The following TPO variants were observed in gnomAD, a reference collection of about 807,000 sequenced individuals.
TPO encodes the protein thyroid peroxidase.
Under a neutral mutation model 96.9 loss-of-function variants are expected in TPO, and 78 were observed. The observed-to-expected ratio is 0.81, with a 90% CI of 0.67 to 0.97. The LOEUF is 0.97. Among genes scored for constraint, TPO ranks in the 50% least tolerant of loss-of-function variants. The probability of loss-of-function intolerance (pLI) is 0.00; values close to 1 mark genes in which losing one functional copy is unlikely to be tolerated. For missense variants in TPO, 1,252 were observed against 1,274.8 expected (o/e 0.98, Z 0.27); for synonymous variants, 547 against 538.0 (o/e 1.02, Z -0.23).
chr2:1,537,829 CCTCCTCAAATCCCCCCACTGTGTGCAAT>C lies in TPO; in HGVS notation c.2619-2761_2619-2734del, dbSNP rs1441809335. Among the ~76,000 whole-genome samples, 5 of 79,282 alleles carry C rather than the reference CCTCCTCAAATCCCCCCACTGTGTGCAAT, an allele frequency of 6.3e-5. No homozygotes were observed. The East Asian group carries it at 2.3e-3, about 36-fold the overall frequency. The allele number at this position is 79,282 out of a possible 152,430, so 52.0% of individuals were successfully genotyped here. On this transcript the variant is annotated intron_variant, in intron 15 of 16. Coordinates refer to ENST00000329066, the MANE Select transcript of TPO (RefSeq NM_001206744.2). ...CCCCAAATCCCCCCACTGTGAGCAA[CCTCCTCAAATCCCCCCACTGTGTGCAAT>C]CTCAAATCCCCCCCACTGTGTGCAA...
intron 7 of TPO, among the ~76,000 whole-genome samples, chr2:1,465,393 G>C (rs1482886854): frequency 6.6e-6 from 1 of 152,046 alleles, no homozygotes; most frequent in Non-Finnish European, 1.5e-5. Context: ...CTCTTTTTTG[G>C]TTCCATACGA....
chr2:1,491,213 C>T (rs564906711), intron 10 of TPO, among the ~76,000 whole-genome samples: 2 of 152,026 alleles, frequency 1.3e-5, no homozygotes, highest in East Asian at 3.9e-4. Context: ...CCCGTTTCTG[C>T]AGTGTCTCCC....
intron 11 of TPO, 117 bp from the exon 12 acceptor site, chr2:1,495,872 C>CT: frequency 8.3e-7 from 1 of 1,200,306 alleles, no homozygotes; most frequent in Non-Finnish European, 1.2e-6. Flanking sequence ...TGCTGGGGGT[C>CT]TGGGCAGACG....
intron 5 of TPO, among the ~76,000 whole-genome samples, chr2:1,450,870 A>G (rs1009291975): frequency 1.3e-5 from 2 of 152,192 alleles, no homozygotes; most frequent in African/African-American, 2.4e-5. Flanking sequence ...ACGAATCTGA[A>G]CACTTTATTA....
Position 1,477,362 on chromosome 2 carries a change from T to G in TPO, c.1096T>G (p.Phe366Val). ...LRDSGRAYLP[F>V]VPPRAPAACA... is the part of the protein sequence containing the mutation. Reference sequence around the variant, plus strand: ...GGACTCCGGCCGCGCCTACCTGCCCTTCGTGCCGCCACGCGCGCCTGCGGC... The same window carrying G: ...GGACTCCGGCCGCGCCTACCTGCCCGTCGTGCCGCCACGCGCGCCTGCGGC... Residue 366 changes from phenylalanine (F) to valine (V), a missense_variant, in exon 8 of 17, where the codon TTC becomes GTC. By Grantham distance (50) the Phe-to-Val change is conservative. Transcript: ENST00000329066. The G allele has an allele frequency of 6.5e-7, 1 of 1,540,776 alleles. No individual in the cohort carries two copies. The highest frequency in any genetic ancestry group is 8.8e-7 in the Non-Finnish European group (1 of 1,140,908).
At chr2:1,405,935 C>T (rs146483128) in intron 1 of TPO, among the ~76,000 whole-genome samples, 14 of 152,326 alleles carry the variant, frequency 9.2e-5, no homozygotes, top group Middle Eastern at 6.8e-3. Context: ...TTTCTACAGT[C>T]ACCACAATAC....
At chr2:1,472,132 G>A (rs28910584) in intron 7 of TPO, among the ~76,000 whole-genome samples, 3,326 of 150,766 alleles carry the variant, frequency 0.022, 143 homozygotes, top group African/African-American at 0.077. Flanking sequence ...TGATCTGAAC[G>A]CTCATAGAGT....
rs1336854922 is a variant in TPO, at chr2:1,386,161, G to T, written n.180+11759G>T. 2.6e-5 allele frequency among the ~76,000 whole-genome samples: 4 copies of T among 152,116 alleles called. No homozygotes were observed. In the East Asian group the frequency reaches 7.7e-4, roughly 29 times the overall value. On this transcript the variant is annotated intron_variant and non_coding_transcript_variant, in intron 1 of 5. Transcript: ENST00000497517. ...TGTGGTCAATTTTGGAATAGGTGCG[G>T]GTGTGGTGTGGAGAAGAATGTATGT...
In TPO at chr2:1,527,869, A is replaced by G. The variant is rs1357896867; in HGVS notation, c.2618+10887A>G. Among the ~76,000 whole-genome samples, 4 of 18,116 alleles carry G rather than the reference A, an allele frequency of 2.2e-4. 1 individual carries two copies. Among genetic ancestry groups the G allele is most frequent in the African/African-American group, 7.4e-4 (4 of 5,406 alleles). 11.9% of individuals were successfully genotyped at this position (18,116 alleles called of 152,430 possible). On this transcript the variant is annotated intron_variant, in intron 15 of 16. Transcript: ENST00000329066. Reference sequence around the variant, plus strand: ...CCTCAAATCCCCCCCACTGTGTTCAACCTCCTCAAATCCCCCCACTGCGTG... The same window carrying G: ...CCTCAAATCCCCCCCACTGTGTTCAGCCTCCTCAAATCCCCCCACTGCGTG...
At chr2:1,432,958 A>G (rs1665176952) in intron 3 of TPO, among the ~76,000 whole-genome samples, 1 of 152,158 alleles carries the variant, frequency 6.6e-6, no homozygotes, top group Non-Finnish European at 1.5e-5. Context: ...GCCCCGTTCT[A>G]GGGCTGCATT....
intron 12 of TPO, 143 bp downstream of exon 12, chr2:1,496,340 T>TGGGGC (rs370762547): frequency 0.024 from 12,144 of 499,428 alleles, 906 homozygotes; most frequent in African/African-American, 0.19. Flanking sequence ...GGGCAGCTCC[T>TGGGGC]GGGGCGGGGC....
intron 13 of TPO, among the ~76,000 whole-genome samples, chr2:1,501,947 C>G (rs753025790): frequency 6.6e-6 from 1 of 152,096 alleles, no homozygotes; most frequent in Non-Finnish European, 1.5e-5. Context: ...AAGGATGAGT[C>G]TGAACTGCAG....
At chr2:1,517,084 G>C in intron 15 of TPO, 102 bp downstream of exon 15, 1 of 1,214,962 alleles carries the variant, frequency 8.2e-7, no homozygotes. Flanking sequence ...AGCTAACACA[G>C]GTTACTGGTA....
intron 5 of TPO, among the ~76,000 whole-genome samples, chr2:1,446,040 G>A (rs1000818657): frequency 6.6e-6 from 1 of 152,172 alleles, no homozygotes; most frequent in African/African-American, 2.4e-5. Context: ...TTAAATTGGG[G>A]TACGACTTAT....
chr2:1,526,488 G>C (rs1288171082), intron 15 of TPO, among the ~76,000 whole-genome samples: 1 of 81,826 alleles, frequency 1.2e-5, no homozygotes, highest in Non-Finnish European at 2.4e-5. Context: ...GCAACCTCAA[G>C]TCCGCCACTG....
intron 8 of TPO, among the ~76,000 whole-genome samples, chr2:1,484,161 C>T (rs911350993): frequency 1.3e-5 from 2 of 152,298 alleles, no homozygotes; most frequent in South Asian, 4.1e-4. Flanking sequence ...TGTAATTTTC[C>T]ATCGACAGAG....
At chr2:1,461,476 C>A (rs1668422554) in intron 7 of TPO, among the ~76,000 whole-genome samples, 1 of 152,108 alleles carries the variant, frequency 6.6e-6, no homozygotes, top group African/African-American at 2.4e-5. Flanking sequence ...AACTGGACTT[C>A]CACCTGCCTC....
chr2:1,418,618 C>G (rs1663193794), intron 2 of TPO, among the ~76,000 whole-genome samples: 1 of 152,238 alleles, frequency 6.6e-6, no homozygotes, highest in Admixed American at 6.5e-5. Context: ...ATGTTCTTCA[C>G]CAGAACCCTG....
chr2:1,453,782 T>C lies in TPO; in HGVS notation c.571T>C (p.Trp191Arg). Reference sequence around the variant, plus strand: ...GGACGGCTTCAGTCAGCCCCGAGGCTGGAACCCCGGCTTCTTGTACAACGG... The same window carrying C: ...GGACGGCTTCAGTCAGCCCCGAGGCCGGAACCCCGGCTTCTTGTACAACGG... The part of the protein sequence containing the change: ...YEDGFSQPRG[W>R]NPGFLYNGFP... Residue 191 changes from tryptophan (W) to arginine (R), a missense_variant, in exon 6 of 17, where the codon TGG (tryptophan) becomes CGG (arginine). Transcript: ENST00000329066. The C allele has an allele frequency of 6.2e-7, 1 of 1,613,894 alleles. No homozygotes were observed.
Sources: allele counts gnomAD v4.1 joint callset (sites outside exome capture counted in the v4.1 genomes callset), GRCh38; gene constraint gnomAD v4.1.1; transcripts MANE v1.5; gene names NCBI Gene and HGNC (gene_info 2026-07-23, HGNC 2026-07-21).